Variants in GFM1 observed in about 807,000 individuals in gnomAD.
The protein encoded by GFM1 is G elongation factor mitochondrial 1, also known as elongation factor G, mitochondrial.
In GFM1, 62 loss-of-function variants were observed where a neutral mutation model predicts 96.2. The observed-to-expected ratio is 0.64, with a 90% CI of 0.53 to 0.80. The LOEUF is 0.80. GFM1 is among the 30% of genes least tolerant of loss of function. The pLI, the probability that GFM1 is intolerant of heterozygous loss-of-function variation, is 0.00. For missense variants in GFM1, 852 were observed against 916.6 expected (o/e 0.93, Z 0.91); for synonymous variants, 282 against 312.9 (o/e 0.90, Z 1.04).
intron 13 of GFM1, chr3:158,669,596 G>A (rs946199151): frequency 6.2e-7 from 1 of 1,613,592 alleles, no homozygotes. Flanking sequence ...CAGCTGTGCA[G>A]TTCACCTTAA....
At chr3:158,678,477 T>C (rs1021550411) in intron 13 of GFM1, among the ~76,000 whole-genome samples, 20 of 152,162 alleles carry the variant, frequency 1.3e-4, no homozygotes, top group Non-Finnish European at 2.5e-4. Flanking sequence ...CCAACCCTCA[T>C]GGATGACTCT....
At chr3:158,646,682 A>T in intron 3 of GFM1, 61 bp from the exon 4 acceptor site, 1 of 1,345,816 alleles carries the variant, frequency 7.4e-7, no homozygotes, top group Non-Finnish European at 1.0e-6. Context: ...AACTTCTAAT[A>T]GTGCATATAT....
At chr3:158,655,483 C>T (rs1360709017) in intron 8 of GFM1, among the ~76,000 whole-genome samples, 1 of 107,188 alleles carries the variant, frequency 9.3e-6, no homozygotes, top group South Asian at 2.9e-4. Flanking sequence ...GACTTCATCT[C>T]GGAAAAAAAA....
At chr3:158,670,734 T>A (rs949410923) in intron 13 of GFM1, among the ~76,000 whole-genome samples, 1 of 152,152 alleles carries the variant, frequency 6.6e-6, no homozygotes, top group African/African-American at 2.4e-5. Context: ...TGGTAGCTCA[T>A]GCTTGTAATC....
intron 4 of GFM1, among the ~76,000 whole-genome samples, chr3:158,647,886 A>G (rs146169001): frequency 1.3e-5 from 2 of 152,254 alleles, no homozygotes; most frequent in African/African-American, 4.8e-5. Flanking sequence ...TGTAACTTCT[A>G]TAAAGCAGAT....
intron 5 of GFM1, 79 bp from the exon 6 acceptor site, chr3:158,652,017 C>T (rs1376089304): frequency 8.0e-6 from 10 of 1,247,800 alleles, no homozygotes; most frequent in Non-Finnish European, 1.2e-5. Flanking sequence ...ATATTTTAAC[C>T]ATTAATCATA....
At chr3:158,675,614 A>G (rs1724822400) in intron 13 of GFM1, among the ~76,000 whole-genome samples, 2 of 152,128 alleles carry the variant, frequency 1.3e-5, no homozygotes, top group South Asian at 4.1e-4. Context: ...GTTGTATAAG[A>G]TTACAAAATA....
At chr3:158,668,935 A>G in intron 13 of GFM1, 1 of 1,415,308 alleles carries the variant, frequency 7.1e-7, no homozygotes, top group East Asian at 2.3e-5. Flanking sequence ...CCAATTATGA[A>G]TTACAATACT....
Position 158,644,804 on chromosome 3 carries a change from T to C in GFM1, c.81+89T>C, listed in dbSNP as rs1264130050. On this transcript the variant is annotated intron_variant, in intron 1 of 17. Coordinates refer to ENST00000486715, the MANE Select transcript of GFM1 (RefSeq NM_024996.7). ...ATGGAAGGCCGTGACACCCCCTGGG[T>C]CCTCATGACTGACAGCTCCGAATAC... 6 of 1,084,546 alleles carry C rather than the reference T, an allele frequency of 5.5e-6. No individual in the cohort carries two copies. The East Asian group carries it at 1.5e-4, about 28-fold the overall frequency. 67.2% of individuals were successfully genotyped at this position (1,084,546 alleles called of 1,614,324 possible).
At chr3:158,647,612 A>G (rs750132744) in intron 4 of GFM1, among the ~76,000 whole-genome samples, 7 of 152,248 alleles carry the variant, frequency 4.6e-5, no homozygotes, top group Non-Finnish European at 8.8e-5. Flanking sequence ...GGTAGTGGAC[A>G]GGCTGAGAAT....
intron 15 of GFM1, among the ~76,000 whole-genome samples, chr3:158,687,033 TG>T (rs1245040116): frequency 6.6e-6 from 1 of 151,418 alleles, no homozygotes; most frequent in Non-Finnish European, 1.5e-5. Flanking sequence ...GACAGGTTCT[TG>T]CTCTGTCACC....
chr3:158,665,506 C>G (rs1172332742), intron 12 of GFM1, 32 bp downstream of exon 12: 3 of 1,560,180 alleles, frequency 1.9e-6, no homozygotes, highest in African/African-American at 2.7e-5. Context: ...AAGTTGAAAT[C>G]AATTTATTAC....
intron 8 of GFM1, among the ~76,000 whole-genome samples, chr3:158,657,774 C>G (rs966377422): frequency 6.6e-6 from 1 of 152,006 alleles, no homozygotes; most frequent in Non-Finnish European, 1.5e-5. Flanking sequence ...ATGCACAATC[C>G]TTTCTTCCTT....
intron 13 of GFM1, among the ~76,000 whole-genome samples, chr3:158,677,391 C>T (rs758574978): frequency 6.6e-6 from 1 of 152,220 alleles, no homozygotes; most frequent in Non-Finnish European, 1.5e-5. Context: ...GAAGCCATTT[C>T]TAACGTAAAA....
At chr3:158,684,763 G>GA (rs1158989085) in intron 15 of GFM1, 95 bp downstream of exon 15, 1 of 1,291,760 alleles carries the variant, frequency 7.7e-7, no homozygotes, top group African/African-American at 1.5e-5. Context: ...TTCACCCAGA[G>GA]CACTAGGCTC....
At chr3:158,653,551 T>A in intron 7 of GFM1, 84 bp downstream of exon 7, 1 of 1,003,226 alleles carries the variant, frequency 1.0e-6, no homozygotes, top group Non-Finnish European at 1.5e-6. Context: ...ATAGTTCTTT[T>A]AATTATGTCT....
intron 11 of GFM1, among the ~76,000 whole-genome samples, chr3:158,663,949 A>G (rs1723402101): frequency 6.6e-6 from 1 of 152,198 alleles, no homozygotes; most frequent in Admixed American, 6.6e-5. Flanking sequence ...ATTTGAGAGT[A>G]TCTGGCTTGT....
chr3:158,648,483 C>T (rs545176687), intron 4 of GFM1, among the ~76,000 whole-genome samples: 5 of 152,064 alleles, frequency 3.3e-5, no homozygotes, highest in African/African-American at 4.8e-5. Flanking sequence ...TCAAGACCAG[C>T]CTGGTCAACA....
chr3:158,675,152 C>T (rs1032993557), intron 13 of GFM1, among the ~76,000 whole-genome samples: 4 of 151,262 alleles, frequency 2.6e-5, no homozygotes, highest in East Asian at 3.9e-4. Flanking sequence ...CCGGGCGTGG[C>T]GGCGGGCGCC....
Sources: gnomAD v4.1 joint callset for allele counts (sites outside exome capture counted in the v4.1 genomes callset) on GRCh38, gnomAD v4.1.1 for gene constraint, MANE v1.5 for transcripts, NCBI Gene and HGNC (gene_info 2026-07-23, HGNC 2026-07-21) for gene names.